Variants in MAGI2 observed in about 807,000 individuals in gnomAD.
MAGI2 encodes the protein membrane-associated guanylate kinase, WW and PDZ domain-containing protein 2.
A neutral mutation model predicts 133.3 loss-of-function variants in MAGI2; 35 were observed. The observed-to-expected ratio is 0.26, with a 90% CI of 0.20 to 0.35. The LOEUF is 0.35. Among genes scored for constraint, MAGI2 ranks in the 10% least tolerant of loss-of-function variants. The probability of loss-of-function intolerance (pLI) is 1.00; values close to 1 mark genes in which losing one functional copy is unlikely to be tolerated. For missense variants in MAGI2, 1,636 were observed against 1,863.4 expected (o/e 0.88, Z 2.25); for synonymous variants, 729 against 710.6 (o/e 1.03, Z -0.41).
At chr7:79,276,097 A>G (rs886978101) in intron 1 of MAGI2, among the ~76,000 whole-genome samples, 2 of 152,184 alleles carry the variant, frequency 1.3e-5, no homozygotes, top group Non-Finnish European at 2.9e-5. Context: ...TGAGGAATAC[A>G]TTATGTAAGG....
At chr7:78,529,737 G>A (rs1465743773) in intron 3 of MAGI2, among the ~76,000 whole-genome samples, 4 of 117,026 alleles carry the variant, frequency 3.4e-5, no homozygotes, top group Non-Finnish European at 4.9e-5. Context: ...GGCTGGTCTC[G>A]AACTCCTAGC....
At chr7:79,085,474 A>G (rs1816406472) in intron 1 of MAGI2, among the ~76,000 whole-genome samples, 1 of 151,868 alleles carries the variant, frequency 6.6e-6, no homozygotes, top group African/African-American at 2.4e-5. Flanking sequence ...AGTAAGTCCA[A>G]TATCTGTGCT....
At chr7:78,912,108 C>A (rs1442386897) in intron 2 of MAGI2, among the ~76,000 whole-genome samples, 1 of 152,112 alleles carries the variant, frequency 6.6e-6, no homozygotes, top group Non-Finnish European at 1.5e-5. Flanking sequence ...CAATGATATT[C>A]TTAAACTGCA....
chr7:79,135,691 T>C (rs1309160344), intron 1 of MAGI2, among the ~76,000 whole-genome samples: 1 of 151,874 alleles, frequency 6.6e-6, no homozygotes, highest in African/African-American at 2.4e-5. Context: ...AATCTCAGCA[T>C]TTTGGGAGGC....
chr7:79,007,893 AG>A (rs1445090430), intron 1 of MAGI2, among the ~76,000 whole-genome samples: 2 of 150,712 alleles, frequency 1.3e-5, no homozygotes, highest in African/African-American at 4.9e-5. Flanking sequence ...GAAAGAATGT[AG>A]GGTTTTTTTT....
At chr7:78,193,296 T>G (rs1828412294) in intron 12 of MAGI2, among the ~76,000 whole-genome samples, 1 of 152,222 alleles carries the variant, frequency 6.6e-6, no homozygotes, top group South Asian at 2.1e-4. Context: ...TAATGCTCCC[T>G]AAATGCAACC....
chr7:78,726,019 TA>T (rs1820771085), intron 2 of MAGI2, among the ~76,000 whole-genome samples: 1 of 152,302 alleles, frequency 6.6e-6, no homozygotes, highest in Admixed American at 6.5e-5. Flanking sequence ...ATTGAATGTT[TA>T]ATATAGCTGC....
chr7:78,256,061 G>A lies in MAGI2; in HGVS notation c.1929C>T (p.Gly643=), dbSNP rs368148275. The change falls in exon 10 of 22, where the codon GGC becomes GGT. Residue 643 remains glycine, a synonymous_variant. Transcript: ENST00000354212. ...GCTGGTTGATCTCAACAATGAGGTC[G>A]CCTTCACACAGGCCAGGGCATCCCT... The part of the protein sequence containing the change: ...DIQGCPGLCE[G]DLIVEINQQN... 3.2e-5 allele frequency: 52 copies of A among 1,613,438 alleles called. No individual in the cohort carries two copies. Among genetic ancestry groups the A allele is most frequent in the South Asian group, 9.9e-5 (9 of 90,992 alleles).
At chr7:79,040,791 T>TG (rs1198264873) in intron 1 of MAGI2, among the ~76,000 whole-genome samples, 2 of 152,136 alleles carry the variant, frequency 1.3e-5, no homozygotes, top group African/African-American at 4.8e-5. Context: ...CTTTGCCTTC[T>TG]GCCATGATTC....
chr7:78,797,886 G>A (rs1024387489), intron 2 of MAGI2, among the ~76,000 whole-genome samples: 22 of 151,936 alleles, frequency 1.4e-4, no homozygotes, highest in African/African-American at 5.1e-4. Flanking sequence ...AAATAATAGG[G>A]TGCATGGGTG....
rs566927080 is a variant in MAGI2, at chr7:78,911,237, T to C, written c.418+95853A>G. Among the ~76,000 whole-genome samples the C allele has an allele frequency of 9.2e-5, 14 of 152,300 alleles. No homozygotes were observed. In the South Asian group the frequency reaches 2.9e-3, roughly 32 times the overall value. ...TTCTTTAACATTGAGGGTGACTTTT[T>C]TTTTCACAGATAGTGGATTATAAAA... On this transcript the variant is annotated intron_variant, in intron 2 of 21. Transcript: ENST00000354212.
intron 9 of MAGI2, among the ~76,000 whole-genome samples, chr7:78,324,704 T>C (rs540059166): frequency 1.6e-3 from 239 of 152,274 alleles, no homozygotes; most frequent in African/African-American, 5.4e-3. Context: ...CTCACAACTG[T>C]AATCCCAGCA....
intron 1 of MAGI2, among the ~76,000 whole-genome samples, chr7:79,327,941 T>C (rs1014328389): frequency 1.3e-5 from 2 of 152,176 alleles, no homozygotes; most frequent in African/African-American, 4.8e-5. Context: ...TATCTTTAAG[T>C]TACCTTATAA....
At chr7:79,079,130 C>A (rs1450103165) in intron 1 of MAGI2, among the ~76,000 whole-genome samples, 2 of 152,046 alleles carry the variant, frequency 1.3e-5, no homozygotes, top group Non-Finnish European at 2.9e-5. Context: ...CTCTCTCACC[C>A]CCTCCTCATT....
intron 1 of MAGI2, among the ~76,000 whole-genome samples, chr7:79,093,943 G>C (rs1406514911): frequency 6.6e-6 from 1 of 152,006 alleles, no homozygotes; most frequent in South Asian, 2.1e-4. Context: ...TCAAACTCCT[G>C]ACCTCAGGTG....
intron 2 of MAGI2, among the ~76,000 whole-genome samples, chr7:78,892,418 C>G (rs1796842388): frequency 6.6e-6 from 1 of 152,156 alleles, no homozygotes; most frequent in Non-Finnish European, 1.5e-5. Flanking sequence ...GCCCACATCA[C>G]CAAGTCAATC....
intron 3 of MAGI2, among the ~76,000 whole-genome samples, chr7:78,553,789 T>A (rs1224358067): frequency 6.6e-6 from 1 of 152,216 alleles, no homozygotes; most frequent in Non-Finnish European, 1.5e-5. Context: ...GATTTGGATT[T>A]TGGAATAAAT....
intron 2 of MAGI2, among the ~76,000 whole-genome samples, chr7:78,705,669 C>T (rs1030773887): frequency 6.6e-5 from 10 of 152,090 alleles, no homozygotes; most frequent in East Asian, 1.9e-4. Context: ...TTGGGTACAT[C>T]GTTTTGTGTC....
At chr7:79,081,417 T>G (rs986209619) in intron 1 of MAGI2, among the ~76,000 whole-genome samples, 1 of 152,178 alleles carries the variant, frequency 6.6e-6, no homozygotes, top group African/African-American at 2.4e-5. Flanking sequence ...CTTGCCAAAG[T>G]GTATGCTCCA....
Sources: allele counts gnomAD v4.1 joint callset (sites outside exome capture counted in the v4.1 genomes callset), GRCh38; gene constraint gnomAD v4.1.1; transcripts MANE v1.5; gene names NCBI Gene and HGNC (gene_info 2026-07-23, HGNC 2026-07-21).